MCTP1: variants seen among roughly 807,000 people sequenced by gnomAD.
MCTP1 encodes the protein multiple C2 and transmembrane domain containing 1.
A neutral mutation model predicts 120.6 loss-of-function variants in MCTP1; 69 were observed. That is an observed-to-expected ratio of 0.57 (90% CI 0.47 to 0.70). The LOEUF (loss-of-function observed/expected upper bound fraction) is 0.70. MCTP1 is among the 30% of genes least tolerant of loss of function. MCTP1 has a pLI of 0.00. For missense variants in MCTP1, 1,203 were observed against 1,248.8 expected (o/e 0.96, Z 0.55); for synonymous variants, 529 against 493.1 (o/e 1.07, Z -0.96).
At chr5:94,947,040 A>G (rs1035493499) in intron 3 of MCTP1, among the ~76,000 whole-genome samples, 13 of 152,080 alleles carry the variant, frequency 8.5e-5, no homozygotes, top group Admixed American at 8.5e-4. Flanking sequence ...TTTGTTTTGA[A>G]CTTTATTTCT....
At position 94,966,726 on chromosome 5, in the gene MCTP1, C is replaced by T. The variant is rs796986319; in HGVS notation, c.839-13365G>A. The stretch of plus-strand genomic sequence containing the variant: ...AGGAGAATGGCGTGAACCTGGGAGA[C>T]GGAGGTTGCAGTGAGCCGAGACTGT... On this transcript the variant is annotated intron_variant, in intron 2 of 22. Transcript: ENST00000515393. Among the ~76,000 whole-genome samples, 11 of 151,702 alleles carry T rather than the reference C, an allele frequency of 7.3e-5. No homozygotes were observed. In the South Asian group the frequency reaches 1.5e-3, roughly 20 times the overall value.
intron 19 of MCTP1, among the ~76,000 whole-genome samples, chr5:94,753,960 G>A (rs1466601616): frequency 6.6e-6 from 1 of 152,202 alleles, no homozygotes; most frequent in African/African-American, 2.4e-5. Context: ...AAGAGGCATG[G>A]TGATAGTTAC....
intron 1 of MCTP1, among the ~76,000 whole-genome samples, chr5:95,234,920 A>C (rs1755370198): frequency 6.6e-6 from 1 of 152,144 alleles, no homozygotes. Flanking sequence ...AAGATGAAAA[A>C]TATTATTTCT....
chr5:94,879,301 A>G (rs562098193), intron 12 of MCTP1, among the ~76,000 whole-genome samples: 1 of 152,226 alleles, frequency 6.6e-6, no homozygotes, highest in Non-Finnish European at 1.5e-5. Context: ...GTAAATCAAT[A>G]GCTATATTTA....
chr5:95,101,039 C>T (rs988579944), intron 1 of MCTP1, among the ~76,000 whole-genome samples: 6 of 151,878 alleles, frequency 4.0e-5, no homozygotes, highest in African/African-American at 9.7e-5. Flanking sequence ...TCATGACTTA[C>T]GCTGTAAGAA....
At chr5:95,250,159 A>C (rs1757243249) in intron 1 of MCTP1, among the ~76,000 whole-genome samples, 1 of 110,306 alleles carries the variant, frequency 9.1e-6, no homozygotes, top group South Asian at 2.9e-4. Context: ...AAGTATAATA[A>C]AAAAATAATA....
At chr5:94,906,472 C>T (rs945337421) in intron 10 of MCTP1, among the ~76,000 whole-genome samples, 8 of 151,876 alleles carry the variant, frequency 5.3e-5, no homozygotes, top group South Asian at 2.1e-4. Context: ...GGCGACAGAT[C>T]GAGACCCTGT....
chr5:95,018,574 G>A (rs1837582840), intron 1 of MCTP1, among the ~76,000 whole-genome samples: 1 of 151,462 alleles, frequency 6.6e-6, no homozygotes, highest in Non-Finnish European at 1.5e-5. Flanking sequence ...GTTAAAACAA[G>A]AGGCAGCACA....
At chr5:95,265,017 T>C (rs1758770248) in intron 1 of MCTP1, among the ~76,000 whole-genome samples, 3 of 152,162 alleles carry the variant, frequency 2.0e-5, no homozygotes, top group Admixed American at 2.0e-4. Context: ...AGCTCCTGTA[T>C]CTTGCAATGA....
At chr5:95,225,722 C>T (rs900708349) in intron 1 of MCTP1, among the ~76,000 whole-genome samples, 1 of 152,106 alleles carries the variant, frequency 6.6e-6, no homozygotes, top group Non-Finnish European at 1.5e-5. Flanking sequence ...TTTACATCTT[C>T]TTGCTCCGTT....
intron 1 of MCTP1, among the ~76,000 whole-genome samples, chr5:95,140,011 G>C (rs1759775260): frequency 6.6e-6 from 1 of 152,166 alleles, no homozygotes; most frequent in Non-Finnish European, 1.5e-5. Flanking sequence ...GCTCTTCCAT[G>C]CTGGAATCCC....
chr5:94,777,984 G>C (rs1331487799), intron 19 of MCTP1, among the ~76,000 whole-genome samples: 2 of 150,118 alleles, frequency 1.3e-5, no homozygotes, highest in Admixed American at 6.6e-5. Flanking sequence ...GCATTGATTA[G>C]GAAAAAAATC....
At chr5:95,193,965 C>T (rs1310233628) in intron 1 of MCTP1, among the ~76,000 whole-genome samples, 1 of 152,128 alleles carries the variant, frequency 6.6e-6, no homozygotes, top group Non-Finnish European at 1.5e-5. Context: ...AACCTCAACA[C>T]TTTAGAAGGC....
intron 1 of MCTP1, among the ~76,000 whole-genome samples, chr5:95,058,848 C>T (rs1748151833): frequency 6.6e-6 from 1 of 152,044 alleles, no homozygotes; most frequent in South Asian, 2.1e-4. Flanking sequence ...TAGGGTTTGA[C>T]ATTCTCTTTT....
chr5:95,246,618 T>G (rs1181110156), intron 1 of MCTP1, among the ~76,000 whole-genome samples: 1 of 152,206 alleles, frequency 6.6e-6, no homozygotes, highest in Admixed American at 6.5e-5. Flanking sequence ...CTAACTATCC[T>G]AAATATATAT....
rs368758432 is a variant in MCTP1, at chr5:95,244,804, C to T, written c.720+39052G>A. Among the ~76,000 whole-genome samples the T allele has an allele frequency of 1.2e-3, 177 of 152,260 alleles. 2 individuals are homozygous for T. Among genetic ancestry groups the T allele is most frequent in the African/African-American group, 3.9e-3 (162 of 41,558 alleles). ...AGCAGACAGCTTCTGCAGATGTAAA[C>T]GTCCCCATCTGACAGCTCTGAAGAG... On this transcript the variant is annotated intron_variant, in intron 1 of 22. Coordinates refer to ENST00000515393, the MANE Select transcript of MCTP1 (RefSeq NM_024717.7).
At chr5:94,919,514 C>A (rs1385793948) in intron 7 of MCTP1, among the ~76,000 whole-genome samples, 1 of 152,124 alleles carries the variant, frequency 6.6e-6, no homozygotes, top group Non-Finnish European at 1.5e-5. Context: ...CCTAATCTTT[C>A]CAAATGAGAC....
At chr5:95,030,507 CA>C (rs1386193244) in intron 1 of MCTP1, among the ~76,000 whole-genome samples, 2 of 152,110 alleles carry the variant, frequency 1.3e-5, no homozygotes, top group African/African-American at 4.8e-5. Flanking sequence ...TCCAATACAC[CA>C]GTACAACAAG....
At chr5:94,745,428 A>G (rs1337906961) in intron 19 of MCTP1, among the ~76,000 whole-genome samples, 5 of 152,138 alleles carry the variant, frequency 3.3e-5, no homozygotes, top group South Asian at 4.1e-4. Context: ...TGTAATACAT[A>G]TATTTGACTT....
Sources: allele counts gnomAD v4.1 joint callset (sites outside exome capture counted in the v4.1 genomes callset), GRCh38; gene constraint gnomAD v4.1.1; transcripts MANE v1.5; gene names NCBI Gene and HGNC (gene_info 2026-07-23, HGNC 2026-07-21).